TARBP1: variants seen among roughly 807,000 people sequenced by gnomAD.
The protein encoded by TARBP1 is tRNA guanosine 2 -O-methyltransferase TARBP1.
A neutral mutation model predicts 178.6 loss-of-function variants in TARBP1; 144 were observed. The observed-to-expected ratio is 0.81, with a 90% confidence interval of 0.70 to 0.93. The LOEUF (loss-of-function observed/expected upper bound fraction) is 0.93, where lower values mean the gene tolerates loss of function less well. Among genes scored for constraint, TARBP1 ranks in the 40% least tolerant of loss-of-function variants. The pLI, the probability that TARBP1 is intolerant of heterozygous loss-of-function variation, is 0.00. For missense variants in TARBP1, 2,067 were observed against 2,011.7 expected (o/e 1.03, Z -0.53); for synonymous variants, 787 against 781.0 (o/e 1.01, Z -0.13).
chr1:234,437,209 ATCAC>A, intron 13 of TARBP1, 62 bp downstream of exon 13: 1 of 826,572 alleles, frequency 1.2e-6, no homozygotes, highest in Non-Finnish European at 1.8e-6. Flanking sequence ...AGTGTCAGTA[ATCAC>A]TCAAATATTG....
chr1:234,432,006 G>A (rs557829708), intron 14 of TARBP1, among the ~76,000 whole-genome samples: 6 of 150,578 alleles, frequency 4.0e-5, no homozygotes, highest in South Asian at 2.1e-4. Flanking sequence ...GCATGGTGGC[G>A]GGCACCTACA....
chr1:234,425,056 C>T (rs1311827089), intron 20 of TARBP1, among the ~76,000 whole-genome samples: 3 of 140,414 alleles, frequency 2.1e-5, no homozygotes, highest in South Asian at 2.3e-4. Context: ...AGCGAAACTC[C>T]GTCTCAAAAA....
At chr1:234,414,710 C>T (rs929459172) in intron 22 of TARBP1, among the ~76,000 whole-genome samples, 1 of 152,012 alleles carries the variant, frequency 6.6e-6, no homozygotes, top group Non-Finnish European at 1.5e-5. Context: ...TAAGGCTGGG[C>T]GCGGTGGCTC....
Position 234,472,667 on chromosome 1 carries a change from A to T in TARBP1, c.1029+47T>A, listed in dbSNP as rs750358661. The T allele has an allele frequency of 9.0e-6, 12 of 1,332,054 alleles. No individual in the cohort carries two copies. In the Middle Eastern group the frequency reaches 6.5e-4, roughly 73 times the overall value. The allele number at this position is 1,332,054 out of a possible 1,614,324, so 82.5% of individuals were successfully genotyped here. On this transcript the variant is annotated intron_variant, in intron 2 of 29. Transcript: ENST00000040877. ...TTTTAATGAATGTTTTTAAAAAAGA[A>T]AAATTGTTATCTACTGTAGGATTTG...
chr1:234,433,338 A>G (rs1664669688), intron 14 of TARBP1, 72 bp downstream of exon 14: 1 of 1,457,760 alleles, frequency 6.9e-7, no homozygotes, highest in African/African-American at 1.4e-5. Flanking sequence ...AAAATAGTGT[A>G]TAAGAACTGA....
chr1:234,444,243 A>G (rs930183579), intron 12 of TARBP1, among the ~76,000 whole-genome samples: 1 of 152,224 alleles, frequency 6.6e-6, no homozygotes, highest in African/African-American at 2.4e-5. Context: ...CAGACCCACC[A>G]AAGTGACAAA....
Position 234,478,637 on chromosome 1 carries a change from T to A in TARBP1, c.467A>T (p.Asp156Val). 1 of 1,290,650 alleles carries A rather than the reference T, an allele frequency of 7.7e-7. No homozygotes were observed. The highest frequency in any genetic ancestry group is 9.8e-7 in the Non-Finnish European group (1 of 1,019,568). 79.9% of individuals were successfully genotyped at this position (1,290,650 alleles called of 1,614,324 possible). ...CGCCACGCGCTCCAGTAGCGGCCCG[T>A]CCTCGCGGGGCCGCAAACATGGCCC... ...AVGPCLRPRE[D>V]GPLLERVAGT... Residue 156 changes from aspartate to valine, a missense_variant, in exon 1 of 30, where the codon GAC becomes GTC. Physicochemically the swap from Asp to Val is radical, Grantham distance 152. Coordinates refer to ENST00000040877, the MANE Select transcript of TARBP1 (RefSeq NM_005646.4).
intron 20 of TARBP1, 151 bp from the exon 21 acceptor site, chr1:234,420,963 G>C: frequency 2.2e-6 from 1 of 455,188 alleles, no homozygotes; most frequent in Non-Finnish European, 3.9e-6. Flanking sequence ...ATGAGAAAAA[G>C]AATGGCACCT....
intron 22 of TARBP1, among the ~76,000 whole-genome samples, chr1:234,417,089 G>A (rs746170393): frequency 1.3e-5 from 2 of 152,226 alleles, no homozygotes; most frequent in Non-Finnish European, 2.9e-5. Context: ...ATGCGAAGGC[G>A]TGAAATTAAA....
At chr1:234,471,117 A>G (rs1669008755) in intron 3 of TARBP1, 71 bp downstream of exon 3, 1 of 1,149,318 alleles carries the variant, frequency 8.7e-7, no homozygotes, top group Non-Finnish European at 1.3e-6. Flanking sequence ...TCTACAATGA[A>G]CAGGAATTAG....
At chr1:234,431,010 G>T (rs1247966890) in intron 14 of TARBP1, among the ~76,000 whole-genome samples, 1 of 152,194 alleles carries the variant, frequency 6.6e-6, no homozygotes, top group Non-Finnish European at 1.5e-5. Flanking sequence ...TAGGAAAGGA[G>T]GGTAGCCAAG....
At chr1:234,468,289 C>T (rs1668661938) in intron 3 of TARBP1, among the ~76,000 whole-genome samples, 1 of 151,892 alleles carries the variant, frequency 6.6e-6, no homozygotes, top group South Asian at 2.1e-4. Context: ...TCCATCTCTA[C>T]TAAAAAACAC....
chr1:234,407,971 G>GA (rs1297378651), intron 23 of TARBP1: 2 of 152,032 alleles, frequency 1.3e-5, no homozygotes, highest in Non-Finnish European at 2.9e-5. Flanking sequence ...ACTCGTAAAT[G>GA]AAAAAAACCC....
At chr1:234,410,608 C>T (rs41266235) in intron 22 of TARBP1, 77 bp from the exon 23 acceptor site, 65,595 of 924,646 alleles carry the variant, frequency 0.071, 2,827 homozygotes, top group Middle Eastern at 0.1. Flanking sequence ...CCGTGCTGGA[C>T]TCTATGAGGG....
chr1:234,465,843 G>A, intron 4 of TARBP1, 135 bp from the exon 5 acceptor site: 2 of 669,130 alleles, frequency 3.0e-6, no homozygotes, highest in Non-Finnish European at 4.6e-6. Context: ...CTCTTACGCT[G>A]CAGGCTAAAT....
At position 234,398,472 on chromosome 1, in the gene TARBP1, C is replaced by CA; in HGVS notation, c.4152dup (p.Asp1385Ter). ...TGAAATCCCGCAGCTAAAGGAACAT[C>CA]AGTGAATCTGGTAAATTTATCAATG... On this transcript the variant is annotated frameshift_variant, in exon 26 of 30. Coordinates refer to ENST00000040877, the MANE Select transcript of TARBP1 (RefSeq NM_005646.4). LOFTEE classifies it high-confidence loss of function. 6.2e-7 allele frequency: 1 copy of CA among 1,611,664 alleles called. No homozygotes were observed. The highest frequency in any genetic ancestry group is 8.5e-7 in the Non-Finnish European group (1 of 1,178,446).
chr1:234,393,776 G>A lies in TARBP1; in HGVS notation c.4305C>T (p.Ile1435=). The change falls in exon 27 of 30, where the codon ATC becomes ATT. Residue 1435 remains isoleucine, a synonymous_variant. Coordinates refer to ENST00000040877, the MANE Select transcript of TARBP1 (RefSeq NM_005646.4). The stretch of plus-strand genomic sequence containing the variant: ...AGTCGGAAACACGACTGTTCCACGG[G>A]ATAATCTTCTTCTGAACGTCGGTCC... ...AEWTDVQKKI[I]PWNSRVSDLD... The A allele has an allele frequency of 6.2e-7, 1 of 1,613,870 alleles. No individual in the cohort carries two copies.
chr1:234,472,639 C>T (rs1040269865), intron 2 of TARBP1, 75 bp downstream of exon 2: 4 of 967,578 alleles, frequency 4.1e-6, no homozygotes, highest in Non-Finnish European at 4.6e-6. Context: ...CTCTTTGTAT[C>T]GCTTTTAATG....
intron 1 of TARBP1, among the ~76,000 whole-genome samples, 189 bp from the exon 2 acceptor site, chr1:234,473,000 A>C (rs1017585953): frequency 2.0e-5 from 3 of 151,650 alleles, no homozygotes; most frequent in African/African-American, 7.3e-5. Context: ...CACTAAGATT[A>C]CTGTTTTGGA....
Sources: gnomAD v4.1 joint callset for allele counts (sites outside exome capture counted in the v4.1 genomes callset) on GRCh38, gnomAD v4.1.1 for gene constraint, MANE v1.5 for transcripts, NCBI Gene and HGNC (gene_info 2026-07-23, HGNC 2026-07-21) for gene names.